CA10: variants seen among roughly 807,000 people sequenced by gnomAD.
CA10 encodes the protein carbonic anhydrase 10 (inactive), also known as carbonic anhydrase-related protein 10.
Under a neutral mutation model 44.2 loss-of-function variants are expected in CA10, and 14 were observed. The ratio of observed to expected loss-of-function variants is 0.32; its 90% CI spans 0.21 to 0.50. CA10 has a LOEUF of 0.50. Ranked by LOEUF, CA10 falls within the 20% of genes least tolerant of loss-of-function variation. The pLI is 0.99. For missense variants in CA10, 350 were observed against 409.7 expected, an observed-to-expected ratio of 0.85 and a Z score of 1.26; for synonymous variants, 159 against 141.6, an observed-to-expected ratio of 1.12 and a Z score of -0.87.
chr17:51,942,533 A>C (rs1448744497), intron 2 of CA10, among the ~76,000 whole-genome samples: 2 of 86,494 alleles, frequency 2.3e-5, no homozygotes, highest in Non-Finnish European at 5.2e-5. Flanking sequence ...GAAATCTTGC[A>C]GGCATTATAT....
intron 3 of CA10, among the ~76,000 whole-genome samples, chr17:51,758,010 T>C (rs1905123053): frequency 6.6e-6 from 1 of 152,110 alleles, no homozygotes; most frequent in Non-Finnish European, 1.5e-5. Context: ...GAGTTACCAT[T>C]GGTGGGATTG....
chr17:52,062,716 A>G (rs1987423268), intron 2 of CA10, among the ~76,000 whole-genome samples: 1 of 152,236 alleles, frequency 6.6e-6, no homozygotes, highest in East Asian at 1.9e-4. Flanking sequence ...CTAAGTCTGT[A>G]GGCTCCTAGA....
At chr17:51,948,819 G>A (rs1983378102) in intron 2 of CA10, among the ~76,000 whole-genome samples, 1 of 152,020 alleles carries the variant, frequency 6.6e-6, no homozygotes, top group Non-Finnish European at 1.5e-5. Context: ...ACTTGTAACA[G>A]AGTTACACAG....
chr17:51,712,804 C>T (rs947018482), intron 4 of CA10, among the ~76,000 whole-genome samples: 13 of 152,234 alleles, frequency 8.5e-5, no homozygotes, highest in African/African-American at 2.9e-4. Context: ...ACTTACTATA[C>T]TACCTCTCAG....
intron 2 of CA10, among the ~76,000 whole-genome samples, chr17:52,028,273 T>G (rs540892338): frequency 6.6e-6 from 1 of 152,258 alleles, no homozygotes; most frequent in African/African-American, 2.4e-5. Context: ...AAATCAGTAT[T>G]CCCAATAGTG....
intron 3 of CA10, among the ~76,000 whole-genome samples, chr17:51,826,896 A>G (rs1361170918): frequency 6.6e-6 from 1 of 152,218 alleles, no homozygotes; most frequent in African/African-American, 2.4e-5. Context: ...AGTGACAGCC[A>G]GTGCTGGACA....
intron 3 of CA10, among the ~76,000 whole-genome samples, chr17:51,926,143 C>T (rs1598121353): frequency 6.6e-6 from 1 of 152,232 alleles, no homozygotes; most frequent in Admixed American, 6.5e-5. Context: ...ATATGAAGAA[C>T]TATCGGTAGT....
chr17:51,862,012 T>TATTGCC (rs923469037), intron 3 of CA10, among the ~76,000 whole-genome samples: 6 of 152,220 alleles, frequency 3.9e-5, no homozygotes, highest in Non-Finnish European at 5.9e-5. Context: ...ACCTGCTTGC[T>TATTGCC]ATTGCCATTA....
At chr17:52,061,576 G>T (rs1419508993) in intron 2 of CA10, among the ~76,000 whole-genome samples, 4 of 152,162 alleles carry the variant, frequency 2.6e-5, no homozygotes, top group African/African-American at 9.7e-5. Flanking sequence ...CTAGTGGGAG[G>T]TGATTGGATC....
chr17:51,931,716 T>A (rs203085), intron 2 of CA10, among the ~76,000 whole-genome samples: 82,053 of 151,950 alleles, frequency 0.54, 22,681 homozygotes, highest in African/African-American at 0.58. Context: ...ATTAACCTAA[T>A]GTACTTGTAG....
chr17:51,816,328 T>A (rs1907563705), intron 3 of CA10, among the ~76,000 whole-genome samples: 1 of 152,228 alleles, frequency 6.6e-6, no homozygotes, highest in Admixed American at 6.5e-5. Context: ...TGATGGACAC[T>A]TAGGTTGCTC....
intron 6 of CA10, among the ~76,000 whole-genome samples, chr17:51,644,992 C>G (rs1388354150): frequency 6.6e-6 from 1 of 151,904 alleles, no homozygotes; most frequent in Admixed American, 6.6e-5. Flanking sequence ...GAGATGGGGT[C>G]TCACCATGTT....
intron 1 of CA10, among the ~76,000 whole-genome samples, chr17:52,151,982 AT>A (rs751121855): frequency 6.6e-6 from 1 of 152,098 alleles, no homozygotes; most frequent in Non-Finnish European, 1.5e-5. Flanking sequence ...CACATTAGCC[AT>A]TTTACAAATG....
intron 4 of CA10, among the ~76,000 whole-genome samples, chr17:51,655,055 GTAAC>G (rs1913738352): frequency 6.6e-6 from 1 of 151,998 alleles, no homozygotes; most frequent in Non-Finnish European, 1.5e-5. Flanking sequence ...CTAGTCCACA[GTAAC>G]TGTTAAAAAA....
intron 3 of CA10, among the ~76,000 whole-genome samples, chr17:51,864,074 C>G (rs970301201): frequency 6.6e-6 from 1 of 152,202 alleles, no homozygotes; most frequent in Admixed American, 6.5e-5. Context: ...CAGCTCCCAT[C>G]TTGACTCACC....
At chr17:51,845,442 C>T (rs924462061) in intron 3 of CA10, among the ~76,000 whole-genome samples, 4 of 152,184 alleles carry the variant, frequency 2.6e-5, no homozygotes, top group African/African-American at 9.7e-5. Context: ...TGAAAGTAGA[C>T]CTTACTTTTG....
Position 51,644,553 on chromosome 17 carries a change from A to G in CA10, c.634+4629T>C, listed in dbSNP as rs923068114. ...TCTCCCTCCTGAAATCCAGACTCATATATCCAACTGCCTACTCCACACCTC... is the reference window on the plus strand; with the variant it reads ...TCTCCCTCCTGAAATCCAGACTCATGTATCCAACTGCCTACTCCACACCTC... On this transcript the variant is annotated intron_variant, in intron 6 of 8. Transcript: ENST00000451037. Among the ~76,000 whole-genome samples, 8 of 152,110 alleles carry G rather than the reference A, an allele frequency of 5.3e-5. No individual in the cohort carries two copies. In the East Asian group the frequency reaches 1.4e-3, roughly 26 times the overall value.
intron 3 of CA10, among the ~76,000 whole-genome samples, chr17:51,887,551 A>G (rs1010735667): frequency 6.6e-6 from 1 of 152,200 alleles, no homozygotes; most frequent in Non-Finnish European, 1.5e-5. Flanking sequence ...TTGCTCTGCC[A>G]ATTACTTTTG....
At chr17:51,765,346 A>G (rs897543707) in intron 3 of CA10, among the ~76,000 whole-genome samples, 7 of 152,210 alleles carry the variant, frequency 4.6e-5, no homozygotes, top group African/African-American at 1.4e-4. Flanking sequence ...TTCCTGGCTA[A>G]TGAGCCCAAT....
Sources: allele counts gnomAD v4.1 joint callset (sites outside exome capture counted in the v4.1 genomes callset), GRCh38; gene constraint gnomAD v4.1.1; transcripts MANE v1.5; gene names NCBI Gene and HGNC (gene_info 2026-07-23, HGNC 2026-07-21).